The following ROR1 variants were observed in gnomAD, a reference collection of about 807,000 sequenced individuals.
ROR1 encodes ROR family WNT receptor 1.
ROR1 carries 19 observed loss-of-function variants against 78.8 expected under a neutral mutation model. That is an observed-to-expected ratio of 0.24 (90% CI 0.17 to 0.35). The LOEUF (loss-of-function observed/expected upper bound fraction) is 0.35, where lower values mean the gene tolerates loss of function less well. ROR1 is among the 10% of genes least tolerant of loss of function. The pLI is 1.00. For synonymous variants in ROR1, 386 were observed against 433.6 expected (o/e 0.89, Z 1.36); for missense variants, 917 against 1,177.8 (o/e 0.78, Z 3.24).
rs114527748 is a variant in ROR1 at position 63,886,845 on chromosome 1, G to C, written c.91+112337G>C. On this transcript the variant is annotated intron_variant, in intron 1 of 8. Coordinates refer to ENST00000371079, the MANE Select transcript of ROR1 (RefSeq NM_005012.4). ...GAACCGTCAGCTCACCCTGAGCCGG[G>C]CTGTGGACTTTTCTTCCAGGCAGGT... Among the ~76,000 whole-genome samples the C allele has an allele frequency of 4.4e-3, 675 of 152,308 alleles. 4 individuals carry two copies. Among genetic ancestry groups the C allele is most frequent in the African/African-American group, 0.016 (655 of 41,564 alleles).
intron 4 of ROR1, among the ~76,000 whole-genome samples, chr1:64,071,477 G>C (rs1647003027): frequency 6.6e-6 from 1 of 152,068 alleles, no homozygotes; most frequent in African/African-American, 2.4e-5. Flanking sequence ...TAAATAAACA[G>C]GATAAATGGA....
intron 4 of ROR1, among the ~76,000 whole-genome samples, chr1:64,132,689 G>A (rs1191371889): frequency 6.6e-6 from 1 of 150,662 alleles, no homozygotes; most frequent in African/African-American, 2.4e-5. Flanking sequence ...GAACCCAGGA[G>A]GTGGAGGTTT....
intron 7 of ROR1, among the ~76,000 whole-genome samples, chr1:64,152,149 T>A (rs1445129941): frequency 2.0e-5 from 3 of 152,200 alleles, no homozygotes; most frequent in African/African-American, 7.2e-5. Context: ...TCCAATTTTT[T>A]AAAAAACCTA....
At position 64,177,852 on chromosome 1, in the gene ROR1, A is replaced by T. The variant is rs1183372557; in HGVS notation, c.1811A>T (p.Glu604Val). ...HIAIQIAAGM[E>V]YLSSHFFVHK... ...GCAATTCAGATTGCAGCTGGCATGG[A>T]ATACCTGTCTAGTCACTTCTTTGTC... The change falls in exon 9 of 9, where the codon GAA becomes GTA. Residue 604 changes from glutamate to valine, a missense_variant. By Grantham distance (121) the Glu-to-Val change is moderately radical (BLOSUM62 -2). Around this residue, in one of 3 missense-constraint regions of ROR1, gnomAD observed 835 missense variants for 1,069.8 expected, o/e 0.78. Transcript: ENST00000371079. The T allele has an allele frequency of 6.2e-7, 1 of 1,614,218 alleles. No homozygotes were observed. Among genetic ancestry groups the T allele is most frequent in the Non-Finnish European group, 8.5e-7 (1 of 1,180,038 alleles).
At position 64,140,302 on chromosome 1, in the gene ROR1, A is replaced by G. The variant is rs1649265837; in HGVS notation, c.804A>G (p.Arg268=). ...GTCAAACAGAGTACATTTTTGCAAGATCAAATCCCATGATTCTGATGAGGC... is the reference window on the plus strand; with the variant it reads ...GTCAAACAGAGTACATTTTTGCAAGGTCAAATCCCATGATTCTGATGAGGC... ...VLCQTEYIFA[R]SNPMILMRLK... The change falls in exon 6 of 9, where the codon AGA becomes AGG. Residue 268 remains arginine, a synonymous_variant. Transcript: ENST00000371079. The G allele has an allele frequency of 6.2e-7, 1 of 1,614,148 alleles. No individual in the cohort carries two copies. The highest frequency in any genetic ancestry group is 8.5e-7 in the Non-Finnish European group (1 of 1,180,010).
intron 1 of ROR1, among the ~76,000 whole-genome samples, chr1:63,811,060 A>G (rs1228874792): frequency 6.6e-6 from 1 of 152,202 alleles, no homozygotes; most frequent in Non-Finnish European, 1.5e-5. Flanking sequence ...TAGTGAGAGG[A>G]TACAGACCCA....
rs1646699549 is a variant in ROR1 at position 64,036,028 on chromosome 1, A to T, written c.164-13663A>T. Among the ~76,000 whole-genome samples, 4 of 152,308 alleles carry T rather than the reference A, an allele frequency of 2.6e-5. No homozygotes were observed. The South Asian group carries it at 8.3e-4, about 32-fold the overall frequency. On this transcript the variant is annotated intron_variant, in intron 2 of 8. Transcript: ENST00000371079. ...GATGGCCAAGTAAACACATAGATGGATGTTCATACTTGCCCTTTGGTACCC... is the reference window on the plus strand; with the variant it reads ...GATGGCCAAGTAAACACATAGATGGTTGTTCATACTTGCCCTTTGGTACCC...
intron 2 of ROR1, among the ~76,000 whole-genome samples, chr1:64,048,239 T>C (rs1238887711): frequency 6.6e-6 from 1 of 152,234 alleles, no homozygotes; most frequent in Non-Finnish European, 1.5e-5. Context: ...ATGTGGCTAT[T>C]TAAATTTAAA....
intron 4 of ROR1, among the ~76,000 whole-genome samples, chr1:64,089,057 C>T (rs1039526295): frequency 2.6e-5 from 4 of 151,482 alleles, no homozygotes; most frequent in African/African-American, 4.9e-5. Context: ...TATTATAATA[C>T]TTTTATTGGT....
chr1:63,802,514 G>A (rs931662502), intron 1 of ROR1, among the ~76,000 whole-genome samples: 1 of 152,178 alleles, frequency 6.6e-6, no homozygotes, highest in Non-Finnish European at 1.5e-5. Context: ...GGAAAATGGA[G>A]GTTCATAGAA....
intron 4 of ROR1, among the ~76,000 whole-genome samples, chr1:64,123,871 C>T (rs941546868): frequency 6.6e-5 from 10 of 152,060 alleles, no homozygotes; most frequent in South Asian, 2.1e-4. Flanking sequence ...AATAATTCCA[C>T]TTATTGTTTT....
chr1:63,874,135 A>C (rs1395627873), intron 1 of ROR1, among the ~76,000 whole-genome samples: 4 of 152,282 alleles, frequency 2.6e-5, no homozygotes, highest in African/African-American at 4.8e-5. Flanking sequence ...TTCATGAATA[A>C]ATTAATGAGA....
In ROR1 at chr1:64,128,410, A is replaced by C. The variant is rs368663655; in HGVS notation, c.483-8959A>C. Among the ~76,000 whole-genome samples, 531 of 152,168 alleles carry C rather than the reference A, an allele frequency of 3.5e-3. 1 individual carries two copies. Among genetic ancestry groups the C allele is most frequent in the African/African-American group, 0.012 (495 of 41,528 alleles). On this transcript the variant is annotated intron_variant, in intron 4 of 8. Transcript: ENST00000371079. Reference sequence around the variant, plus strand: ...CTTAAGCCTGGAAGTTTGAGGCTGCAGTGAGCTGTGGTCTCACCACCGCAC... The same window carrying C: ...CTTAAGCCTGGAAGTTTGAGGCTGCCGTGAGCTGTGGTCTCACCACCGCAC...
At chr1:63,855,939 G>A (rs527534370) in intron 1 of ROR1, among the ~76,000 whole-genome samples, 2 of 152,156 alleles carry the variant, frequency 1.3e-5, no homozygotes, top group South Asian at 4.2e-4. Flanking sequence ...TTACAGGTGT[G>A]AGCTACCACG....
intron 1 of ROR1, among the ~76,000 whole-genome samples, chr1:63,791,316 G>A (rs1644724583): frequency 6.6e-6 from 1 of 152,100 alleles, no homozygotes; most frequent in African/African-American, 2.4e-5. Flanking sequence ...GAGTGCTGGA[G>A]ACAGAATCAG....
chr1:64,029,432 C>T (rs565497934), intron 2 of ROR1, among the ~76,000 whole-genome samples: 1 of 152,298 alleles, frequency 6.6e-6, no homozygotes, highest in East Asian at 1.9e-4. Context: ...CCCATTGATT[C>T]TCCTCGTAAT....
intron 1 of ROR1, among the ~76,000 whole-genome samples, chr1:63,945,615 C>A (rs748601657): frequency 3.2e-4 from 49 of 152,108 alleles, no homozygotes; most frequent in Admixed American, 1.1e-3. Flanking sequence ...CCTTTTATAC[C>A]TTTACTTGCT....
At chr1:64,174,144 C>G (rs2100743009) in intron 8 of ROR1, among the ~76,000 whole-genome samples, 1 of 152,218 alleles carries the variant, frequency 6.6e-6, no homozygotes, top group Non-Finnish European at 1.5e-5. Flanking sequence ...TTAAAGGGCA[C>G]TTATTAGGTG....
At chr1:63,980,166 T>C (rs1646197941) in intron 1 of ROR1, among the ~76,000 whole-genome samples, 1 of 151,750 alleles carries the variant, frequency 6.6e-6, no homozygotes. Context: ...TATATATATA[T>C]TTGGTATTGA....
Sources: allele counts gnomAD v4.1 joint callset (sites outside exome capture counted in the v4.1 genomes callset), GRCh38; gene constraint gnomAD v4.1.1; regional missense constraint gnomAD v4.1.1; transcripts MANE v1.5; gene names NCBI Gene and HGNC (gene_info 2026-07-23, HGNC 2026-07-21).